Variants in POLGARF observed in about 807,000 individuals in gnomAD.
POLGARF encodes POLG alternative reading frame.
chr15:89,333,720 G>A, the POLGARF span: 4 of 1,536,346 alleles, frequency 2.6e-6, no homozygotes, highest in East Asian at 2.4e-5. Flanking sequence ...CCCGACGGTG[G>A]CGCCGGCCAC....
At chr15:89,333,500 C>G in the POLGARF span, 1 of 1,612,756 alleles carries the variant, frequency 6.2e-7, no homozygotes, top group South Asian at 1.1e-5. Context: ...CGAAGATTTG[C>G]TCGTGCAGCC....
chr15:89,333,034 G>GA, the POLGARF span: 1 of 1,491,678 alleles, frequency 6.7e-7, no homozygotes, highest in Non-Finnish European at 8.9e-7. Flanking sequence ...AATGTTCACT[G>GA]AAACAAACTA....
the POLGARF span, chr15:89,330,209 C>A: frequency 6.2e-7 from 1 of 1,613,616 alleles, no homozygotes; most frequent in South Asian, 1.1e-5. Flanking sequence ...GGGATGAGGT[C>A]AGCCGGCGAC....
chr15:89,333,316 T>C, the POLGARF span: 8 of 1,557,624 alleles, frequency 5.1e-6, no homozygotes, highest in Non-Finnish European at 6.1e-6. Context: ...TAGGGCAGGC[T>C]CTGCTTCTGG....
At chr15:89,330,535 G>T in the POLGARF span, among the ~76,000 whole-genome samples, 1 of 152,144 alleles carries the variant, frequency 6.6e-6, no homozygotes, top group African/African-American at 2.4e-5. Flanking sequence ...TTAGACCTAC[G>T]TGCAGGTATT....
At chr15:89,333,143 T>C in the POLGARF span, 1 of 1,533,922 alleles carries the variant, frequency 6.5e-7, no homozygotes, top group Non-Finnish European at 8.8e-7. Flanking sequence ...AAGTTCCCTC[T>C]GCCAAGCAGA....
At chr15:89,332,994 G>A in the POLGARF span, 1 of 1,451,478 alleles carries the variant, frequency 6.9e-7, no homozygotes, top group South Asian at 1.6e-5. Flanking sequence ...CTCCCTACGT[G>A]AGCACCCAGC....
chr15:89,333,412 G>GC, the POLGARF span: 1 of 1,605,262 alleles, frequency 6.2e-7, no homozygotes, highest in Non-Finnish European at 8.5e-7. Context: ...ACGGCTGGCT[G>GC]CCCCCAGAGC....
At chr15:89,333,666 ACGGAGCTGGAGACCCAGCGCCC>A in the POLGARF span, 1 of 1,560,762 alleles carries the variant, frequency 6.4e-7, no homozygotes, top group Non-Finnish European at 8.6e-7. Flanking sequence ...GGACGCGGGG[ACGGAGCTGGAGACCCAGCGCCC>A]CGGAGCTGGA....
At chr15:89,330,365 A>T in the POLGARF span, 1 of 1,022,146 alleles carries the variant, frequency 9.8e-7, no homozygotes, top group African/African-American at 1.6e-5. Flanking sequence ...GCCACATGCC[A>T]GATGGTGCAT....
At chr15:89,333,695 T>G in the POLGARF span, 28 of 1,541,908 alleles carry the variant, frequency 1.8e-5, no homozygotes, top group African/African-American at 3.7e-4. Flanking sequence ...GCCCCGGAGC[T>G]GGAACCGGCC....
chr15:89,333,465 T>C, the POLGARF span: 1 of 1,611,714 alleles, frequency 6.2e-7, no homozygotes, highest in Non-Finnish European at 8.5e-7. Flanking sequence ...CACCGCGGCC[T>C]CGCCAGGCAT....
the POLGARF span, chr15:89,333,263 C>G: frequency 6.4e-7 from 1 of 1,564,956 alleles, no homozygotes; most frequent in Non-Finnish European, 8.7e-7. Flanking sequence ...CCGGGGGCTT[C>G]GGGGGCAGCT....
At chr15:89,333,202 C>T in the POLGARF span, 1 of 1,573,726 alleles carries the variant, frequency 6.4e-7, no homozygotes, top group Non-Finnish European at 8.6e-7. Flanking sequence ...GCCACGGGTA[C>T]GGCCTCCCCC....
At chr15:89,330,281 G>C in the POLGARF span, 7 of 1,608,626 alleles carry the variant, frequency 4.4e-6, no homozygotes, top group Non-Finnish European at 5.9e-6. Context: ...GAATACCTGA[G>C]GGAGGTGAGA....
At chr15:89,333,731 C>G in the POLGARF span, 1 of 1,535,732 alleles carries the variant, frequency 6.5e-7, no homozygotes, top group African/African-American at 1.4e-5. Context: ...CGCCGGCCAC[C>G]TTCCTCCAGA....
At chr15:89,333,042 C>T in the POLGARF span, 1 of 1,498,800 alleles carries the variant, frequency 6.7e-7, no homozygotes, top group Non-Finnish European at 8.9e-7. Context: ...CTGAAACAAA[C>T]TATTAAGCTG....
At chr15:89,333,776 G>A in the POLGARF span, 1 of 1,534,906 alleles carries the variant, frequency 6.5e-7, no homozygotes, top group Non-Finnish European at 8.7e-7. Context: ...GGACCCCCAC[G>A]CTGGGAGTCA....
chr15:89,333,623 CTG>C, the POLGARF span: 11 of 1,599,564 alleles, frequency 6.9e-6, no homozygotes, highest in Middle Eastern at 1.7e-4. Flanking sequence ...GCTGCTGCTG[CTG>C]CTGCCGCCGC....
Sources: gnomAD v4.1 joint callset for allele counts (sites outside exome capture counted in the v4.1 genomes callset) on GRCh38, gnomAD v4.1.1 for gene constraint, MANE v1.5 for transcripts, NCBI Gene and HGNC (gene_info 2026-07-23, HGNC 2026-07-21) for gene names.